TLL2: variants seen among roughly 807,000 people sequenced by gnomAD.
TLL2 encodes the protein tolloid like 2, also known as tolloid-like protein 2.
TLL2 carries 106 observed loss-of-function variants against 123.0 expected under a neutral mutation model. The ratio of observed to expected loss-of-function variants is 0.86; its 90% CI spans 0.74 to 1.01. The LOEUF is 1.01. Ranked by LOEUF, TLL2 falls within the 50% of genes least tolerant of loss-of-function variation. The probability of loss-of-function intolerance (pLI) is 0.00; values close to 1 mark genes in which losing one functional copy is unlikely to be tolerated. For synonymous variants in TLL2, 494 were observed against 516.8 expected (o/e 0.96, Z 0.60); for missense variants, 1,332 against 1,336.7 (o/e 1.00, Z 0.06).
chr10:96,368,694 T>C (rs990068688), intron 20 of TLL2, among the ~76,000 whole-genome samples: 18 of 152,168 alleles, frequency 1.2e-4, no homozygotes, highest in African/African-American at 4.1e-4. Context: ...CCAGGAGACC[T>C]GAAACAAAGA....
chr10:96,397,221 T>TTGC lies in TLL2; in HGVS notation c.1346_1348dup (p.Ser449dup). On this transcript the variant is annotated inframe_insertion, in exon 11 of 21. Transcript: ENST00000357947. ...TGCAAAGAAGCCCTTGCCCAAGATG[T>TTGC]TGCTGCTGCTGCGGAACTCCACCCA... 6.2e-7 allele frequency: 1 copy of TTGC among 1,613,892 alleles called. No homozygotes were observed. The highest frequency in any genetic ancestry group is 8.5e-7 in the Non-Finnish European group (1 of 1,179,864).
intron 16 of TLL2, among the ~76,000 whole-genome samples, chr10:96,383,231 C>T (rs1246809153): frequency 1.3e-5 from 2 of 152,152 alleles, no homozygotes; most frequent in African/African-American, 4.8e-5. Flanking sequence ...GGGTTCATGG[C>T]CTTCAGTTTG....
At position 96,373,743 on chromosome 10, in the gene TLL2, C is replaced by T. The variant is rs141213956; in HGVS notation, c.2515G>A (p.Gly839Arg). The change falls in exon 19 of 21, where the codon GGG becomes AGG. Residue 839 changes from glycine (G) to arginine (R), a missense_variant. Physicochemically the swap from Gly to Arg is moderately radical, Grantham distance 125. Coordinates refer to ENST00000357947, the MANE Select transcript of TLL2 (RefSeq NM_012465.4). ...AGAATGGGGGCCAGGCTGTCCGGCC[C>T]GTCATACATTTCCAGGTGGTCATAG... ...CAYDHLEMYD[G>R]PDSLAPILGR... 8 of 1,614,104 alleles carry T rather than the reference C, an allele frequency of 5.0e-6. No homozygotes were observed. The highest frequency in any genetic ancestry group is 4.0e-5 in the African/African-American group (3 of 74,934).
At chr10:96,402,968 G>A (rs529506930) in intron 10 of TLL2, among the ~76,000 whole-genome samples, 8 of 152,266 alleles carry the variant, frequency 5.3e-5, no homozygotes, top group South Asian at 2.1e-4. Context: ...TCTCAGGCTC[G>A]TCAGTTGCAG....
chr10:96,496,454 C>T (rs1399208156), intron 1 of TLL2, among the ~76,000 whole-genome samples: 1 of 152,094 alleles, frequency 6.6e-6, no homozygotes, highest in Admixed American at 6.5e-5. Context: ...TCCTCCACAG[C>T]CGCTCTGAAA....
chr10:96,446,018 C>T (rs1392602679), intron 3 of TLL2, 73 bp downstream of exon 3: 1 of 1,457,028 alleles, frequency 6.9e-7, no homozygotes, highest in Non-Finnish European at 9.6e-7. Flanking sequence ...AATGGTAAGT[C>T]TTATGTCACG....
At chr10:96,498,232 G>A (rs1261983217) in intron 1 of TLL2, among the ~76,000 whole-genome samples, 2 of 152,200 alleles carry the variant, frequency 1.3e-5, no homozygotes, top group Non-Finnish European at 2.9e-5. Context: ...GACACGCTAG[G>A]CGGAGAGGGA....
intron 1 of TLL2, among the ~76,000 whole-genome samples, chr10:96,491,644 T>C (rs1409946619): frequency 6.6e-6 from 1 of 152,326 alleles, no homozygotes; most frequent in Non-Finnish European, 1.5e-5. Context: ...AGCTGTTATG[T>C]AATAAATTTG....
At chr10:96,427,802 T>C (rs1434706821) in intron 5 of TLL2, among the ~76,000 whole-genome samples, 1 of 152,200 alleles carries the variant, frequency 6.6e-6, no homozygotes, top group African/African-American at 2.4e-5. Context: ...TTTTGTTTTG[T>C]TTTCTTTCTG....
intron 1 of TLL2, among the ~76,000 whole-genome samples, chr10:96,493,902 C>T (rs1433341378): frequency 6.6e-6 from 1 of 152,198 alleles, no homozygotes; most frequent in African/African-American, 2.4e-5. Flanking sequence ...GAAAGTGAGA[C>T]TTCAGAAAGT....
At chr10:96,408,211 T>A (rs7900011) in intron 9 of TLL2, among the ~76,000 whole-genome samples, 85,715 of 152,078 alleles carry the variant, frequency 0.56, 24,589 homozygotes, top group East Asian at 0.7. Context: ...GAAATGTTAG[T>A]ACAACTTCCT....
At chr10:96,487,480 G>A (rs1333036220) in intron 1 of TLL2, among the ~76,000 whole-genome samples, 1 of 152,122 alleles carries the variant, frequency 6.6e-6, no homozygotes, top group African/African-American at 2.4e-5. Context: ...GACAGCGGGG[G>A]CTAAATCATG....
intron 1 of TLL2, among the ~76,000 whole-genome samples, chr10:96,483,905 C>T (rs983368655): frequency 6.6e-6 from 1 of 152,152 alleles, no homozygotes. Flanking sequence ...TGCAGTGGCA[C>T]GATCTCAGCT....
Position 96,471,827 on chromosome 10 carries a change from G to A in TLL2, c.286+8522C>T, listed in dbSNP as rs1847187171. ...CAGTGGGGAGGCACACCAAAGACAGGACTGGGGTCAGAATTTCGTAACTTG... is the reference window on the plus strand; with the variant it reads ...CAGTGGGGAGGCACACCAAAGACAGAACTGGGGTCAGAATTTCGTAACTTG... On this transcript the variant is annotated intron_variant, in intron 2 of 20. Coordinates refer to ENST00000357947, the MANE Select transcript of TLL2 (RefSeq NM_012465.4). Among the ~76,000 whole-genome samples the A allele has an allele frequency of 2.0e-5, 3 of 152,228 alleles. No homozygotes were observed. The South Asian group carries it at 6.2e-4, about 32-fold the overall frequency.
chr10:96,432,722 A>G, intron 4 of TLL2, 85 bp downstream of exon 4: 1 of 1,533,062 alleles, frequency 6.5e-7, no homozygotes, highest in South Asian at 1.3e-5. Flanking sequence ...GCTCCATCCC[A>G]CCCGGGTCCT....
chr10:96,492,355 GGCTCAC>G (rs1847423106), intron 1 of TLL2, among the ~76,000 whole-genome samples: 1 of 152,212 alleles, frequency 6.6e-6, no homozygotes, highest in Non-Finnish European at 1.5e-5. Context: ...TAGGCGCCGT[GGCTCAC>G]GCCTCTAATC....
chr10:96,400,107 C>A (rs1846379001), intron 10 of TLL2, among the ~76,000 whole-genome samples: 1 of 152,194 alleles, frequency 6.6e-6, no homozygotes, highest in African/African-American at 2.4e-5. Context: ...CATAATGGTT[C>A]TAATAAAAGC....
In TLL2 at chr10:96,396,095, C is replaced by CG. The variant is rs200006039; in HGVS notation, c.1385-76dup. 1.5e-3 allele frequency: 2,266 copies of CG among 1,549,252 alleles called. 37 individuals carry two copies. In the African/African-American group the frequency reaches 0.026, roughly 18 times the overall value. On this transcript the variant is annotated intron_variant, in intron 11 of 20. Coordinates refer to ENST00000357947, the MANE Select transcript of TLL2 (RefSeq NM_012465.4). The stretch of plus-strand genomic sequence containing the variant: ...TACTTAGGAAGGAAGGTTGGGGAGG[C>CG]GGGGGGAACAGCGCTTGCCACCACT...
chr10:96,502,139 T>A (rs1336886173), intron 1 of TLL2, among the ~76,000 whole-genome samples: 2 of 151,994 alleles, frequency 1.3e-5, no homozygotes, highest in Non-Finnish European at 2.9e-5. Flanking sequence ...TGACCACACA[T>A]AGAGTCCAGA....
Sources: allele counts gnomAD v4.1 joint callset (sites outside exome capture counted in the v4.1 genomes callset), GRCh38; gene constraint gnomAD v4.1.1; transcripts MANE v1.5; gene names NCBI Gene and HGNC (gene_info 2026-07-23, HGNC 2026-07-21).